Variants in NSUN3 observed in about 807,000 individuals in gnomAD.
NSUN3 encodes the protein tRNA (cytosine(34)-C(5))-methyltransferase, mitochondrial.
Under a neutral mutation model 36.8 loss-of-function variants are expected in NSUN3, and 24 were observed. The observed-to-expected ratio is 0.65, with a 90% confidence interval of 0.47 to 0.92. NSUN3 has a LOEUF of 0.92. Ranked by LOEUF, NSUN3 falls within the 40% of genes least tolerant of loss-of-function variation. NSUN3 has a pLI of 0.00. For synonymous variants in NSUN3, 146 were observed against 145.2 expected (o/e 1.01, Z -0.04); for missense variants, 381 against 392.8 (o/e 0.97, Z 0.25).
At chr3:94,067,895 T>C (rs1040892511) in intron 2 of NSUN3, among the ~76,000 whole-genome samples, 2 of 152,106 alleles carry the variant, frequency 1.3e-5, no homozygotes, top group African/African-American at 2.4e-5. Context: ...CCAAATTCCA[T>C]TGTGTCACAC....
chr3:94,076,388 T>G (rs2077245915), intron 2 of NSUN3: 7 of 805,490 alleles, frequency 8.7e-6, no homozygotes, highest in Non-Finnish European at 1.6e-5. Context: ...GTGGCTTGGT[T>G]TGGAAGTATT....
At chr3:94,118,694 T>TA (rs1033138609) in intron 5 of NSUN3, among the ~76,000 whole-genome samples, 47 of 147,564 alleles carry the variant, frequency 3.2e-4, no homozygotes, top group East Asian at 1.4e-3. Flanking sequence ...TCCTCTTATT[T>TA]AAAAAAAAAA....
chr3:94,100,112 G>A lies in NSUN3; in HGVS notation c.743+4958G>A, dbSNP rs34217882. Among the ~76,000 whole-genome samples the A allele has an allele frequency of 5.4e-3, 828 of 152,190 alleles. 5 individuals are homozygous for A. The highest frequency in any genetic ancestry group is 0.01 in the Middle Eastern group (3 of 294). On this transcript the variant is annotated intron_variant, in intron 5 of 5. Coordinates refer to ENST00000314622, the MANE Select transcript of NSUN3 (RefSeq NM_022072.5). Reference sequence around the variant, plus strand: ...AATGCAGATAAACAAATATTGTCTGGCCCCATATTTTGAGCAGAAGATGGC... The same window carrying A: ...AATGCAGATAAACAAATATTGTCTGACCCCATATTTTGAGCAGAAGATGGC...
At chr3:94,082,031 G>A (rs1419410141) in intron 2 of NSUN3, 1 of 152,198 alleles carries the variant, frequency 6.6e-6, no homozygotes, top group Non-Finnish European at 1.5e-5. Context: ...CTAATTGAAA[G>A]TGTTCTACTC....
At chr3:94,125,799 G>A (rs1040562631) in intron 5 of NSUN3, among the ~76,000 whole-genome samples, 7 of 152,154 alleles carry the variant, frequency 4.6e-5, no homozygotes, top group Non-Finnish European at 7.3e-5. Context: ...AGTGGCTCAC[G>A]CCTGTAATCC....
At chr3:94,121,524 C>T (rs1411404422) in intron 5 of NSUN3, among the ~76,000 whole-genome samples, 1 of 152,160 alleles carries the variant, frequency 6.6e-6, no homozygotes, top group Non-Finnish European at 1.5e-5. Context: ...GGTTTTCATT[C>T]TTCCTACCGC....
intron 2 of NSUN3, chr3:94,075,788 G>T: frequency 1.3e-6 from 1 of 793,340 alleles, no homozygotes; most frequent in Admixed American, 3.0e-5. Flanking sequence ...AGCATTATTG[G>T]TGGTACCTAT....
In NSUN3 at chr3:94,131,463, C is replaced by T. The variant is rs1267012695; in HGVS notation, c.*4973C>T. ...TTCAGTTTCCTCCTTTTGTGTCATA[C>T]CCTATTCCCAGGGGATGAAAGGATT... On this transcript the variant is annotated 3_prime_UTR_variant, in exon 6 of 6. Coordinates refer to ENST00000314622, the MANE Select transcript of NSUN3 (RefSeq NM_022072.5). Among the ~76,000 whole-genome samples, 3 of 152,074 alleles carry T rather than the reference C, an allele frequency of 2.0e-5. No individual in the cohort carries two copies. The highest frequency in any genetic ancestry group is 6.5e-5 in the Admixed American group (1 of 15,272).
chr3:94,066,776 A>C (rs1397466125), intron 2 of NSUN3, among the ~76,000 whole-genome samples: 1 of 152,158 alleles, frequency 6.6e-6, no homozygotes, highest in Non-Finnish European at 1.5e-5. Flanking sequence ...CAAACTCAAA[A>C]GTGTATTATT....
chr3:94,075,930 T>C, intron 2 of NSUN3: 4 of 1,472,640 alleles, frequency 2.7e-6, no homozygotes, highest in Non-Finnish European at 3.8e-6. Context: ...TCCTTCTGGA[T>C]CCATATTCCT....
intron 3 of NSUN3, among the ~76,000 whole-genome samples, chr3:94,092,580 G>A (rs1240922804): frequency 6.6e-6 from 1 of 151,904 alleles, no homozygotes; most frequent in Non-Finnish European, 1.5e-5. Context: ...CAAAATTGAT[G>A]CCATCTCCTG....
chr3:94,069,555 G>A (rs1401302503), intron 2 of NSUN3, among the ~76,000 whole-genome samples: 3 of 151,968 alleles, frequency 2.0e-5, no homozygotes, highest in Non-Finnish European at 4.4e-5. Flanking sequence ...TTTCATCTTC[G>A]TCACTAGGAC....
At chr3:94,108,913 A>T (rs941961639) in intron 5 of NSUN3, among the ~76,000 whole-genome samples, 12 of 149,656 alleles carry the variant, frequency 8.0e-5, no homozygotes, top group African/African-American at 3.0e-4. Flanking sequence ...GATTCACCCA[A>T]CTCGGCCTCC....
intron 3 of NSUN3, among the ~76,000 whole-genome samples, chr3:94,090,299 A>G (rs1330684087): frequency 1.3e-5 from 2 of 152,168 alleles, no homozygotes; most frequent in Admixed American, 1.3e-4. Context: ...GCATTGTGAC[A>G]CTTTATATTT....
intron 5 of NSUN3, among the ~76,000 whole-genome samples, chr3:94,102,405 A>G (rs192359300): frequency 2.0e-5 from 3 of 152,244 alleles, no homozygotes; most frequent in Admixed American, 6.5e-5. Flanking sequence ...TGCTTCAGCT[A>G]TGTATATGTT....
At chr3:94,102,022 TACTG>T (rs763105618) in intron 5 of NSUN3, among the ~76,000 whole-genome samples, 11 of 152,046 alleles carry the variant, frequency 7.2e-5, no homozygotes, top group East Asian at 5.8e-4. Context: ...ACATTTAAAA[TACTG>T]ACCCCTTCTG....
chr3:94,063,248 C>T (rs113542305), intron 1 of NSUN3, 110 bp downstream of exon 1: 8 of 1,078,274 alleles, frequency 7.4e-6, no homozygotes, highest in African/African-American at 6.2e-5. Context: ...TTTGTTCGTC[C>T]CCTCGCGAGA....
At chr3:94,095,366 G>A (rs1311709631) in intron 5 of NSUN3, among the ~76,000 whole-genome samples, 2 of 152,268 alleles carry the variant, frequency 1.3e-5, no homozygotes, top group East Asian at 3.9e-4. Context: ...GTGATGTGTA[G>A]TATTGCTGTG....
At position 94,125,054 on chromosome 3, in the gene NSUN3, C is replaced by A. The variant is rs182750775; in HGVS notation, c.744-1157C>A. 5.5e-4 allele frequency among the ~76,000 whole-genome samples: 83 copies of A among 152,200 alleles called. 1 individual carries two copies. The East Asian group carries it at 0.014, about 25-fold the overall frequency. ...CTTCCAAATACTTCTACAGAATATT[C>A]TTTATTTTGGTAACCATATATTTAG... is the stretch of plus-strand genomic sequence containing the variant. On this transcript the variant is annotated intron_variant, in intron 5 of 5. Transcript: ENST00000314622.
Sources: gnomAD v4.1 joint callset for allele counts (sites outside exome capture counted in the v4.1 genomes callset) on GRCh38, gnomAD v4.1.1 for gene constraint, MANE v1.5 for transcripts, NCBI Gene and HGNC (gene_info 2026-07-23, HGNC 2026-07-21) for gene names.